Variants in OR10G3 observed in about 807,000 individuals in gnomAD.
OR10G3 encodes the protein olfactory receptor family 10 subfamily G member 3.
A neutral mutation model predicts 13.4 loss-of-function variants in OR10G3; 8 were observed. That is an observed-to-expected ratio of 0.60 (90% CI 0.35 to 1.08). The LOEUF (loss-of-function observed/expected upper bound fraction) is 1.08, where lower values mean the gene tolerates loss of function less well. Ranked by LOEUF, OR10G3 falls within the 50% of genes least tolerant of loss-of-function variation. OR10G3 has a pLI of 0.02. For missense variants in OR10G3, 393 were observed against 386.6 expected (o/e 1.02, Z -0.14); for synonymous variants, 142 against 156.1 (o/e 0.91, Z 0.67).
chr14:21,575,199 A>G (rs1028723203), intron 1 of OR10G3, among the ~76,000 whole-genome samples: 19 of 151,822 alleles, frequency 1.3e-4, no homozygotes, highest in African/African-American at 4.4e-4. Context: ...CTCCCGCCTC[A>G]GCCTCCTAAG....
At position 21,568,698 on chromosome 14, in the gene OR10G3, GT is replaced by G. The variant is rs59876310; in HGVS notation, c.*1104del. On this transcript the variant is annotated 3_prime_UTR_variant, in exon 2 of 2. Transcript: ENST00000641040. Reference sequence around the variant, plus strand: ...CCCTGTGTTAGTCAGGGGTCTCTTTGTTTTTTTTTTTTTTATTTTTTTATTT... The same window carrying G: ...CCCTGTGTTAGTCAGGGGTCTCTTTGTTTTTTTTTTTTTATTTTTTTATTT... 2,465 of 146,608 alleles carry G rather than the reference GT, an allele frequency of 0.017. 69 individuals are homozygous for G. Among genetic ancestry groups the G allele is most frequent in the African/African-American group, 0.057 (2,279 of 39,926 alleles). 9.1% of individuals were successfully genotyped at this position (146,608 alleles called of 1,614,324 possible). A position where few individuals can be genotyped will look rare whatever the true frequency, so the allele number is the denominator to read the frequency against.
In OR10G3 at chr14:21,569,634, G is replaced by T. The variant is rs991013026; in HGVS notation, c.*169C>A. 2.6e-5 allele frequency: 16 copies of T among 610,514 alleles called. No homozygotes were observed. Among genetic ancestry groups the T allele is most frequent in the Non-Finnish European group, 4.3e-5 (15 of 352,922 alleles). The allele number at this position is 610,514 out of a possible 1,614,324, so 37.8% of individuals were successfully genotyped here. ...CAGTGGCTGAGAGTTATCTTGAGAGGATACTAAGGAACTGTTAGAAAGTTA... is the reference window on the plus strand; with the variant it reads ...CAGTGGCTGAGAGTTATCTTGAGAGTATACTAAGGAACTGTTAGAAAGTTA... On this transcript the variant is annotated 3_prime_UTR_variant, in exon 2 of 2. Transcript: ENST00000641040.
At chr14:21,571,785 A>G (rs566462361) in intron 1 of OR10G3, among the ~76,000 whole-genome samples, 1 of 151,718 alleles carries the variant, frequency 6.6e-6, no homozygotes, top group South Asian at 2.1e-4. Flanking sequence ...AGCAATTCTC[A>G]TGCCTCAGTG....
At chr14:21,577,858 GT>G (rs1350329161) in intron 1 of OR10G3, among the ~76,000 whole-genome samples, 57,938 of 151,632 alleles carry the variant, frequency 0.38, 11,304 homozygotes, top group Admixed American at 0.46. Context: ...CAAAATTAGT[GT>G]GGTGTGGTGG....
At chr14:21,578,304 A>G (rs1412498264) in intron 1 of OR10G3, among the ~76,000 whole-genome samples, 1 of 152,066 alleles carries the variant, frequency 6.6e-6, no homozygotes, top group East Asian at 1.9e-4. Flanking sequence ...CCAGCTACAC[A>G]GGAGGCTGAG....
In OR10G3 at chr14:21,569,485, A is replaced by G. The variant is rs571731703; in HGVS notation, c.*318T>C. 1 of 246,520 alleles carries G rather than the reference A, an allele frequency of 4.1e-6. No individual in the cohort carries two copies. Among genetic ancestry groups the G allele is most frequent in the Admixed American group, 5.0e-5 (1 of 19,920 alleles). 15.3% of individuals were successfully genotyped at this position (246,520 alleles called of 1,614,324 possible). A position where few individuals can be genotyped will look rare whatever the true frequency, so the allele number is the denominator to read the frequency against. On this transcript the variant is annotated 3_prime_UTR_variant, in exon 2 of 2. Transcript: ENST00000641040. Reference sequence around the variant, plus strand: ...ATAATATTGGGAAATATCATATTGAACTCTACGTTTTGGTGTGGGAGAATT... The same window carrying G: ...ATAATATTGGGAAATATCATATTGAGCTCTACGTTTTGGTGTGGGAGAATT...
At chr14:21,577,182 TAA>T in intron 1 of OR10G3, among the ~76,000 whole-genome samples, 1 of 146,466 alleles carries the variant, frequency 6.8e-6, no homozygotes, top group Non-Finnish European at 1.5e-5. Flanking sequence ...CTTTCAAAAA[TAA>T]AAGAGAGAGA....
At position 21,569,761 on chromosome 14, in the gene OR10G3, A is replaced by G. The variant is rs1893041116; in HGVS notation, c.*42T>C. 1 of 1,512,148 alleles carries G rather than the reference A, an allele frequency of 6.6e-7. No individual in the cohort carries two copies. The highest frequency in any genetic ancestry group is 9.0e-7 in the Non-Finnish European group (1 of 1,105,930). 93.7% of individuals were successfully genotyped at this position (1,512,148 alleles called of 1,614,324 possible). On this transcript the variant is annotated 3_prime_UTR_variant, in exon 2 of 2. Transcript: ENST00000641040. ...TTACCGAAGCCTAAACATTATAATA[A>G]ATTCTAATTGTGGCAGCTTCCCTAG...
rs1393760422 is a variant in OR10G3, at chr14:21,570,655, G to A, written c.90C>T (p.Phe30=). 6.2e-7 allele frequency: 1 copy of A among 1,611,940 alleles called. No homozygotes were observed. Residue 30 remains phenylalanine, a synonymous_variant, in exon 2 of 2, where the codon TTC becomes TTT. Coordinates refer to ENST00000641040, the MANE Select transcript of OR10G3 (RefSeq NM_001005465.2). ...PLRLRTLFFV[F]FFLIYILTQL... ...GAGTCAGGATGTAGATTAGAAAAAAGAACACAAAAAAGAGTGTCCTTAGCC... is the reference window on the plus strand; with the variant it reads ...GAGTCAGGATGTAGATTAGAAAAAAAAACACAAAAAAGAGTGTCCTTAGCC...
chr14:21,577,095 G>A (rs1207242817), intron 1 of OR10G3, among the ~76,000 whole-genome samples: 1 of 152,080 alleles, frequency 6.6e-6, no homozygotes, highest in Non-Finnish European at 1.5e-5. Flanking sequence ...CTTAGTATTT[G>A]CCAGGTAACC....
rs370817486 is a variant in OR10G3, at chr14:21,570,351, G to T, written c.394C>A (p.Arg132Ser). ...TTAGCAGTCATGAGCACAGGGTAGC[G>T]CAGGGGCTGACATATTGCCAGGTAC... is the stretch of plus-strand genomic sequence containing the variant. ...DRYLAICQPL[R>S]YPVLMTAKLS... The change falls in exon 2 of 2, where the codon CGC becomes AGC. Residue 132 changes from arginine to serine, a missense_variant. Transcript: ENST00000641040. 15 of 1,614,178 alleles carry T rather than the reference G, an allele frequency of 9.3e-6. No individual in the cohort carries two copies. The highest frequency in any genetic ancestry group is 1.6e-4 in the Middle Eastern group (1 of 6,062).
At position 21,570,103 on chromosome 14, in the gene OR10G3, C is replaced by G. The variant is rs772215796; in HGVS notation, c.642G>C (p.Leu214=). 2 of 1,614,204 alleles carry G rather than the reference C, an allele frequency of 1.2e-6. No homozygotes were observed. The highest frequency in any genetic ancestry group is 4.5e-5 in the East Asian group (2 of 44,880). ...TGATCTGTATGTAGGAGAGGAGGAT[C>G]AGGGAGAAGCAACTGGCAACCACCA... The part of the protein sequence containing the change: ...IGVVVASCFS[L]ILLSYIQIIQ... The change falls in exon 2 of 2, where the codon CTG becomes CTC. Residue 214 remains leucine, a synonymous_variant. Coordinates refer to ENST00000641040, the MANE Select transcript of OR10G3 (RefSeq NM_001005465.2).
At chr14:21,574,216 T>C (rs967272544) in intron 1 of OR10G3, among the ~76,000 whole-genome samples, 16 of 141,784 alleles carry the variant, frequency 1.1e-4, no homozygotes, top group Middle Eastern at 4.1e-3. Context: ...GGCAGGAGAA[T>C]GGCATGTACC....
At chr14:21,579,726 TTA>T (rs886116248) in intron 1 of OR10G3, 58 bp downstream of exon 1, 3 of 152,184 alleles carry the variant, frequency 2.0e-5, no homozygotes, top group African/African-American at 7.2e-5. Flanking sequence ...GACTTAACAT[TTA>T]TCTCTGAAAA....
At chr14:21,572,608 C>CAAAAAAAAAAAAAAAAA (rs397852312) in intron 1 of OR10G3, among the ~76,000 whole-genome samples, 13 of 110,486 alleles carry the variant, frequency 1.2e-4, no homozygotes, top group Non-Finnish European at 1.2e-4. Flanking sequence ...AACAAACAAA[C>CAAAAAAAAAAAAAAAAA]AAAAAAAAAA....
rs770588808 is a variant in OR10G3, at chr14:21,570,638, A to T, written c.107T>A (p.Ile36Asn). Residue 36 changes from isoleucine to asparagine, a missense_variant, in exon 2 of 2, where the codon ATC (isoleucine) becomes AAC (asparagine). Ile to Asn is a moderately radical substitution (Grantham distance 149, BLOSUM62 -3). Coordinates refer to ENST00000641040, the MANE Select transcript of OR10G3 (RefSeq NM_001005465.2). ...LFFVFFFLIY[I>N]LTQLGNLLIL... ...AAGCAGGTTTCCCAGCTGAGTCAGG[A>T]TGTAGATTAGAAAAAAGAACACAAA... 1 of 1,613,560 alleles carries T rather than the reference A, an allele frequency of 6.2e-7. No individual in the cohort carries two copies. The highest frequency in any genetic ancestry group is 8.5e-7 in the Non-Finnish European group (1 of 1,179,992).
chr14:21,573,056 A>C (rs1294220656), intron 1 of OR10G3, among the ~76,000 whole-genome samples: 1 of 152,220 alleles, frequency 6.6e-6, no homozygotes, highest in Non-Finnish European at 1.5e-5. Context: ...AAAGACTTAA[A>C]CATAAGACCT....
chr14:21,570,197 G>A lies in OR10G3; in HGVS notation c.548C>T (p.Pro183Leu). 1.2e-6 allele frequency: 2 copies of A among 1,614,222 alleles called. No individual in the cohort carries two copies. Among genetic ancestry groups the A allele is most frequent in the Non-Finnish European group, 1.7e-6 (2 of 1,180,046 alleles). Residue 183 changes from proline to leucine, a missense_variant, in exon 2 of 2, where the codon CCT becomes CTT. Coordinates refer to ENST00000641040, the MANE Select transcript of OR10G3 (RefSeq NM_001005465.2). Reference protein sequence around the residue: ...NQVDYFFCDIPAVLRLACADT... With the variant: ...NQVDYFFCDILAVLRLACADT... ...AGCACAGGCCAGTCTCAACACTGCA[G>A]GGATGTCACAGAAGAAGTAATCCAC...
chr14:21,572,398 A>G (rs1180517680), intron 1 of OR10G3, among the ~76,000 whole-genome samples: 2 of 149,164 alleles, frequency 1.3e-5, no homozygotes, highest in African/African-American at 4.9e-5. Flanking sequence ...GGAATTCGAG[A>G]CCAGTCTGGC....
Sources: allele counts gnomAD v4.1 joint callset (sites outside exome capture counted in the v4.1 genomes callset), GRCh38; gene constraint gnomAD v4.1.1; transcripts MANE v1.5; gene names NCBI Gene and HGNC (gene_info 2026-07-23, HGNC 2026-07-21).